Variants in SCEL observed in about 807,000 individuals in gnomAD.
SCEL encodes sciellin.
Under a neutral mutation model 117.6 loss-of-function variants are expected in SCEL, and 113 were observed. That is an observed-to-expected ratio of 0.96 (90% CI 0.83 to 1.12). SCEL has a LOEUF of 1.12. SCEL is among the 50% of genes most tolerant of loss of function. The pLI is 0.00. For missense variants in SCEL, 785 were observed against 810.8 expected (o/e 0.97, Z 0.39); for synonymous variants, 270 against 256.2 (o/e 1.05, Z -0.51).
intron 1 of SCEL, among the ~76,000 whole-genome samples, chr13:77,552,833 A>G (rs1407595389): frequency 6.6e-6 from 1 of 152,124 alleles, no homozygotes; most frequent in East Asian, 1.9e-4. Context: ...TTTGGGTGTA[A>G]TGTTTTGGGT....
chr13:77,552,769 C>T (rs911087305), intron 1 of SCEL, among the ~76,000 whole-genome samples: 1 of 152,164 alleles, frequency 6.6e-6, no homozygotes, highest in African/African-American at 2.4e-5. Context: ...AGTCCTTGCC[C>T]ATGCCTATGT....
intron 18 of SCEL, among the ~76,000 whole-genome samples, chr13:77,603,911 T>C (rs1378375147): frequency 6.6e-6 from 1 of 152,240 alleles, no homozygotes; most frequent in Non-Finnish European, 1.5e-5. Flanking sequence ...CTTGTTATTA[T>C]GAAATTATGA....
chr13:77,612,880 CAT>C lies in SCEL; in HGVS notation c.1338-10_1338-9del. 6.6e-7 allele frequency: 1 copy of C among 1,513,936 alleles called. No homozygotes were observed. Among genetic ancestry groups the C allele is most frequent in the Non-Finnish European group, 9.0e-7 (1 of 1,116,262 alleles). 93.8% of individuals were successfully genotyped at this position (1,513,936 alleles called of 1,614,324 possible). The stretch of plus-strand genomic sequence containing the variant: ...AGTTGACTTAGCTATTGAAACTTAA[CAT>C]TTTTTTAGGAACCAAGACTTGGAAA... On this transcript the variant is annotated splice_polypyrimidine_tract_variant and intron_variant, in intron 22 of 32. Transcript: ENST00000349847.
At chr13:77,586,979 C>T (rs1248879672) in intron 9 of SCEL, among the ~76,000 whole-genome samples, 1 of 151,914 alleles carries the variant, frequency 6.6e-6, no homozygotes, top group African/African-American at 2.4e-5. Flanking sequence ...CATAATGACC[C>T]CATATAATAG....
At chr13:77,613,782 C>T (rs1298260416) in intron 23 of SCEL, 111 bp from the exon 24 acceptor site, 1 of 829,126 alleles carries the variant, frequency 1.2e-6, no homozygotes, top group Admixed American at 2.2e-5. Context: ...ATTGGAAACT[C>T]AGTAAACTTA....
chr13:77,593,523 TC>T lies in SCEL; in HGVS notation c.703del (p.Asp236IlefsTer25). On this transcript the variant is annotated frameshift_variant, in exon 12 of 33. Transcript: ENST00000349847. LOFTEE classifies it high-confidence loss of function. ...TTTTCATTGTTTGAAGGAGTCAGGA[TC>T]TTGATAACATCGTCAAAGTGGCCAC... Reference protein sequence around the residue: ...SAERNIRSQDLDNIVKVATSL... With the variant: ...SAERNIRSQDXDNIVKVATSL... 6.2e-7 allele frequency: 1 copy of T among 1,612,440 alleles called. No individual in the cohort carries two copies. Among genetic ancestry groups the T allele is most frequent in the Non-Finnish European group, 8.5e-7 (1 of 1,178,786 alleles).
intron 1 of SCEL, among the ~76,000 whole-genome samples, chr13:77,553,623 C>T (rs2084478543): frequency 6.6e-6 from 1 of 151,998 alleles, no homozygotes; most frequent in South Asian, 2.1e-4. Context: ...CCAGGGGATC[C>T]CTGACACTCC....
At chr13:77,630,658 A>G (rs1286425996) in intron 28 of SCEL, among the ~76,000 whole-genome samples, 1 of 152,176 alleles carries the variant, frequency 6.6e-6, no homozygotes, top group Non-Finnish European at 1.5e-5. Flanking sequence ...CACGCAGTGT[A>G]TGAGGGTTTT....
At chr13:77,584,949 T>G (rs1464151831) in intron 9 of SCEL, among the ~76,000 whole-genome samples, 1 of 152,224 alleles carries the variant, frequency 6.6e-6, no homozygotes, top group African/African-American at 2.4e-5. Flanking sequence ...AAATTGCTCT[T>G]CCAGAAATAT....
intron 27 of SCEL, among the ~76,000 whole-genome samples, chr13:77,626,456 A>T (rs1289466912): frequency 6.6e-6 from 1 of 152,150 alleles, no homozygotes; most frequent in Non-Finnish European, 1.5e-5. Flanking sequence ...TTACAAAATG[A>T]TATGGTTTGG....
At chr13:77,580,305 C>T (rs535539532) in intron 9 of SCEL, among the ~76,000 whole-genome samples, 10 of 152,266 alleles carry the variant, frequency 6.6e-5, no homozygotes, top group African/African-American at 2.2e-4. Context: ...TGATGCAAAG[C>T]GTGTCAGCAG....
chr13:77,582,849 T>C (rs577986185), intron 9 of SCEL, among the ~76,000 whole-genome samples: 1 of 152,282 alleles, frequency 6.6e-6, no homozygotes, highest in East Asian at 1.9e-4. Flanking sequence ...TTTGTAGTTT[T>C]ATGTTTGACA....
At chr13:77,542,410 C>G (rs1482881007) in intron 1 of SCEL, among the ~76,000 whole-genome samples, 1 of 152,092 alleles carries the variant, frequency 6.6e-6, no homozygotes, top group African/African-American at 2.4e-5. Context: ...AACAAACAAA[C>G]AAACAAACAA....
intron 13 of SCEL, among the ~76,000 whole-genome samples, chr13:77,599,045 G>T (rs755985111): frequency 6.6e-6 from 1 of 152,104 alleles, no homozygotes; most frequent in East Asian, 1.9e-4. Flanking sequence ...TAAAGCCCAC[G>T]CTTGAAAGCT....
Position 77,536,633 on chromosome 13 carries a change from T to A in SCEL, c.-20+809T>A, listed in dbSNP as rs548851166. 2.6e-5 allele frequency among the ~76,000 whole-genome samples: 4 copies of A among 152,368 alleles called. No homozygotes were observed. In the South Asian group the frequency reaches 8.3e-4, roughly 32 times the overall value. On this transcript the variant is annotated intron_variant, in intron 1 of 32. Coordinates refer to ENST00000349847, the MANE Select transcript of SCEL (RefSeq NM_144777.3). ...GAGTTCTTTTAACAGAGCTTTCTTT[T>A]ATAATTAATAGCTAAGCTGACTTGT...
intron 10 of SCEL, 74 bp downstream of exon 10, chr13:77,589,298 G>T (rs112722142): frequency 1.8e-6 from 2 of 1,090,410 alleles, no homozygotes; most frequent in South Asian, 1.3e-5. Context: ...ACTGTGACCC[G>T]CTGTGGGCAA....
chr13:77,545,442 C>T (rs1188616922), intron 1 of SCEL, among the ~76,000 whole-genome samples: 3 of 151,952 alleles, frequency 2.0e-5, no homozygotes, highest in East Asian at 1.9e-4. Context: ...ACTAGTAATC[C>T]CTAATCCATT....
chr13:77,613,972 A>AT lies in SCEL; in HGVS notation c.1451+22dup. 6.2e-7 allele frequency: 1 copy of AT among 1,604,878 alleles called. No individual in the cohort carries two copies. The highest frequency in any genetic ancestry group is 8.5e-7 in the Non-Finnish European group (1 of 1,173,436). On this transcript the variant is annotated intron_variant, in intron 24 of 32. Coordinates refer to ENST00000349847, the MANE Select transcript of SCEL (RefSeq NM_144777.3). ...CACTGATGGGTAAGAGATGGATGTGATTTTTGTTGTGTTTCTCGTTAAGTA... is the reference window on the plus strand; with the variant it reads ...CACTGATGGGTAAGAGATGGATGTGATTTTTTGTTGTGTTTCTCGTTAAGTA...
rs532775689 is a variant in SCEL, at chr13:77,566,883, A to G, written c.291-797A>G. Among the ~76,000 whole-genome samples the G allele has an allele frequency of 2.8e-3, 427 of 152,308 alleles. 3 individuals are homozygous for G. The highest frequency in any genetic ancestry group is 4.4e-3 in the Non-Finnish European group (297 of 68,030). ...GATAACGTATCTGCCCACACTCTTT[A>G]GTCTAGAGCTCAATCACATGGCCCC... On this transcript the variant is annotated intron_variant, in intron 5 of 32. Coordinates refer to ENST00000349847, the MANE Select transcript of SCEL (RefSeq NM_144777.3).
Sources: allele counts gnomAD v4.1 joint callset (sites outside exome capture counted in the v4.1 genomes callset), GRCh38; gene constraint gnomAD v4.1.1; transcripts MANE v1.5; gene names NCBI Gene and HGNC (gene_info 2026-07-23, HGNC 2026-07-21).